The following GARIN5A variants were observed in gnomAD, a reference collection of about 807,000 sequenced individuals.
GARIN5A encodes golgi associated RAB2 interactor 5A.
At chr19:50,476,529 G>T in the GARIN5A span, 1 of 1,570,334 alleles carries the variant, frequency 6.4e-7, no homozygotes, top group Non-Finnish European at 8.6e-7. Context: ...CCCTTCGCTG[G>T]TGGGAAGAAG....
chr19:50,474,802 A>G, the GARIN5A span, among the ~76,000 whole-genome samples: 1 of 152,070 alleles, frequency 6.6e-6, no homozygotes, highest in African/African-American at 2.4e-5. Flanking sequence ...TACTTTTTCA[A>G]TGAAAAAATA....
At chr19:50,476,472 C>A in the GARIN5A span, 14 of 1,571,470 alleles carry the variant, frequency 8.9e-6, no homozygotes, top group Middle Eastern at 2.2e-4. Context: ...CGTCAGGATG[C>A]GGCCTGTTCC....
chr19:50,471,952 A>ATG, the GARIN5A span, among the ~76,000 whole-genome samples: 1 of 142,724 alleles, frequency 7.0e-6, no homozygotes, highest in African/African-American at 2.8e-5. Flanking sequence ...GTATATATAC[A>ATG]TGTATGTATG....
the GARIN5A span, among the ~76,000 whole-genome samples, chr19:50,472,188 A>ACG: frequency 9.6e-6 from 1 of 104,106 alleles, no homozygotes; most frequent in African/African-American, 4.5e-5. Flanking sequence ...GTATGTATAC[A>ACG]TGTATGTGTG....
chr19:50,469,229 C>T, the GARIN5A span, among the ~76,000 whole-genome samples: 1 of 152,220 alleles, frequency 6.6e-6, no homozygotes, highest in African/African-American at 2.4e-5. Flanking sequence ...CCGACCCTAG[C>T]ACCTTTGCAC....
chr19:50,470,850 T>A, the GARIN5A span, among the ~76,000 whole-genome samples: 1 of 151,634 alleles, frequency 6.6e-6, no homozygotes, highest in Non-Finnish European at 1.5e-5. Flanking sequence ...GAGAGGGGGT[T>A]TCACTATGTT....
the GARIN5A span, chr19:50,467,849 G>A: frequency 2.1e-5 from 34 of 1,610,134 alleles, no homozygotes; most frequent in East Asian, 2.2e-5. Context: ...AGGAAGGGGC[G>A]GCCTCAGGTT....
At chr19:50,470,144 C>T in the GARIN5A span, among the ~76,000 whole-genome samples, 2 of 152,196 alleles carry the variant, frequency 1.3e-5, no homozygotes, top group African/African-American at 4.8e-5. Flanking sequence ...AGGACGTTGC[C>T]TACCACTTTA....
chr19:50,472,191 T>TATAC, the GARIN5A span, among the ~76,000 whole-genome samples: 28 of 145,988 alleles, frequency 1.9e-4, 1 homozygote, highest in African/African-American at 4.9e-4. Flanking sequence ...TGTATACATG[T>TATAC]ATGTGTGCAT....
At chr19:50,476,503 C>A in the GARIN5A span, 2 of 1,572,318 alleles carry the variant, frequency 1.3e-6, no homozygotes, top group African/African-American at 1.4e-5. Context: ...CTCCGCGGCT[C>A]TTGGCTCACA....
the GARIN5A span, chr19:50,467,676 G>A: frequency 6.3e-7 from 1 of 1,585,964 alleles, no homozygotes; most frequent in East Asian, 2.3e-5. Flanking sequence ...GCAGGCGGTA[G>A]AGCAGCCGCA....
At chr19:50,467,772 G>A in the GARIN5A span, 25 of 1,611,802 alleles carry the variant, frequency 1.6e-5, no homozygotes, top group Middle Eastern at 1.6e-4. Context: ...ACTTGACCTC[G>A]AGCTGACACC....
At chr19:50,467,629 T>A in the GARIN5A span, 1 of 1,560,278 alleles carries the variant, frequency 6.4e-7, no homozygotes, top group Non-Finnish European at 8.7e-7. Flanking sequence ...CACCTCTTAC[T>A]CCTGCGTGAA....
chr19:50,476,801 C>T, the GARIN5A span: 113 of 576,456 alleles, frequency 2.0e-4, 1 homozygote, highest in East Asian at 3.7e-3. Flanking sequence ...AGGCCTCAGT[C>T]ACGCACGCGC....
the GARIN5A span, among the ~76,000 whole-genome samples, chr19:50,470,090 G>A: frequency 2.6e-5 from 4 of 152,202 alleles, no homozygotes; most frequent in African/African-American, 7.2e-5. Flanking sequence ...ATGAAGTAAC[G>A]CCAGGATTTG....
the GARIN5A span, among the ~76,000 whole-genome samples, chr19:50,472,082 GTGTGTA>G: frequency 0.03 from 2,946 of 97,974 alleles, 127 homozygotes; most frequent in African/African-American, 0.096. Context: ...ATATATACAT[GTGTGTA>G]TATGTATATG....
the GARIN5A span, among the ~76,000 whole-genome samples, chr19:50,472,243 T>TATGTGTATATG: frequency 3.0e-5 from 4 of 133,876 alleles, no homozygotes; most frequent in Non-Finnish European, 6.3e-5. Context: ...TATGTGTGTA[T>TATGTGTATATG]TATATATACA....
the GARIN5A span, chr19:50,476,553 A>T: frequency 6.4e-7 from 1 of 1,573,904 alleles, no homozygotes; most frequent in Non-Finnish European, 8.6e-7. Flanking sequence ...AGATGGCGGC[A>T]GCCAGCGCTG....
chr19:50,471,981 T>C, the GARIN5A span, among the ~76,000 whole-genome samples: 1 of 150,260 alleles, frequency 6.7e-6, no homozygotes, highest in Non-Finnish European at 1.5e-5. Context: ...CATGTATGTG[T>C]GTATATGTAT....
Sources: gnomAD v4.1 joint callset for allele counts (sites outside exome capture counted in the v4.1 genomes callset) on GRCh38, gnomAD v4.1.1 for gene constraint, MANE v1.5 for transcripts, NCBI Gene and HGNC (gene_info 2026-07-23, HGNC 2026-07-21) for gene names.